Variants in CHKA observed in about 807,000 individuals in gnomAD.
CHKA encodes the protein choline kinase alpha.
Under a neutral mutation model 60.1 loss-of-function variants are expected in CHKA, and 34 were observed. The observed-to-expected ratio is 0.57, with a 90% confidence interval of 0.43 to 0.75. The LOEUF (loss-of-function observed/expected upper bound fraction) is 0.75, where lower values mean the gene tolerates loss of function less well. CHKA is among the 30% of genes least tolerant of loss of function. CHKA has a pLI of 0.00. For missense variants in CHKA, 563 were observed against 561.3 expected, an observed-to-expected ratio of 1.00 and a Z score of -0.03; for synonymous variants, 217 against 223.1, an observed-to-expected ratio of 0.97 and a Z score of 0.24.
chr11:68,074,110 C>T (rs751030457), intron 4 of CHKA, among the ~76,000 whole-genome samples: 9 of 152,116 alleles, frequency 5.9e-5, no homozygotes, highest in Non-Finnish European at 1.3e-4. Flanking sequence ...GTACATGTAA[C>T]TCTAAGACAT....
intron 1 of CHKA, among the ~76,000 whole-genome samples, chr11:68,116,570 T>A (rs1372844138): frequency 1.3e-5 from 2 of 150,910 alleles, no homozygotes; most frequent in African/African-American, 2.4e-5. Flanking sequence ...AAAAAAAAAA[T>A]TTAGCTGGAC....
chr11:68,102,615 GA>G (rs1857768920), intron 1 of CHKA, among the ~76,000 whole-genome samples: 1 of 152,206 alleles, frequency 6.6e-6, no homozygotes, highest in East Asian at 1.9e-4. Context: ...AAAACATAGG[GA>G]AAAAGCTTCA....
chr11:68,063,371 G>A (rs1010284959), intron 10 of CHKA, among the ~76,000 whole-genome samples: 4 of 152,162 alleles, frequency 2.6e-5, no homozygotes, highest in South Asian at 2.1e-4. Context: ...ATGGTGGTAC[G>A]TGCCTGTAGT....
chr11:68,072,504 G>A (rs1015270406), intron 4 of CHKA, among the ~76,000 whole-genome samples: 1 of 149,440 alleles, frequency 6.7e-6, no homozygotes, highest in African/African-American at 2.5e-5. Flanking sequence ...CTGAGATCAG[G>A]CCACTTATAC....
At chr11:68,063,263 C>A (rs1424180676) in intron 10 of CHKA, among the ~76,000 whole-genome samples, 4 of 152,140 alleles carry the variant, frequency 2.6e-5, no homozygotes, top group African/African-American at 9.6e-5. Flanking sequence ...CTTTGGGGGG[C>A]CAAGGCAGGA....
intron 2 of CHKA, among the ~76,000 whole-genome samples, chr11:68,084,312 A>ATGTGTATATATATACGTATATG (rs1857089773): frequency 1.4e-5 from 2 of 140,448 alleles, no homozygotes; most frequent in African/African-American, 5.2e-5. Context: ...GTGTATATAC[A>ATGTGTATATATATACGTATATG]TGTGTATATA....
intron 7 of CHKA, among the ~76,000 whole-genome samples, chr11:68,068,195 C>T (rs758381355): frequency 1.3e-5 from 2 of 152,110 alleles, no homozygotes; most frequent in East Asian, 1.9e-4. Flanking sequence ...ACACGTGTTG[C>T]GATAAGCAAC....
chr11:68,110,805 C>G (rs1402097425), intron 1 of CHKA, among the ~76,000 whole-genome samples: 2 of 151,946 alleles, frequency 1.3e-5, no homozygotes, highest in East Asian at 3.9e-4. Flanking sequence ...CCGAGACCAG[C>G]CTGGCAAACA....
At chr11:68,114,783 A>C (rs1485772346) in intron 1 of CHKA, among the ~76,000 whole-genome samples, 2 of 100,404 alleles carry the variant, frequency 2.0e-5, no homozygotes, top group African/African-American at 6.8e-5. Flanking sequence ...AGCCAAACTG[A>C]AAAGACTTAC....
At chr11:68,097,199 A>G (rs1857543182) in intron 1 of CHKA, 69 bp from the exon 2 acceptor site, 6 of 1,185,338 alleles carry the variant, frequency 5.1e-6, no homozygotes, top group Non-Finnish European at 7.4e-6. Flanking sequence ...TTGGATAAAT[A>G]TGGATGAAAA....
At chr11:68,081,368 C>A in intron 3 of CHKA, 36 bp downstream of exon 3, 3 of 1,586,388 alleles carry the variant, frequency 1.9e-6, no homozygotes, top group Non-Finnish European at 2.6e-6. Context: ...CACTAGTTCA[C>A]ATCTCACACA....
intron 2 of CHKA, among the ~76,000 whole-genome samples, chr11:68,092,503 GCA>G (rs1857382301): frequency 6.6e-6 from 1 of 152,112 alleles, no homozygotes; most frequent in Non-Finnish European, 1.5e-5. Flanking sequence ...AAAATCCTCG[GCA>G]CAGTGTGTGG....
chr11:68,068,882 C>T lies in CHKA; in HGVS notation c.925G>A (p.Glu309Lys). Residue 309 changes from glutamate to lysine, a missense_variant, in exon 7 of 12, where the codon GAA (glutamate) becomes AAA (lysine). Glu to Lys is a moderately conservative substitution (Grantham distance 56, BLOSUM62 1). Transcript: ENST00000265689. The part of the protein sequence containing the change: ...PVVFCHNDCQ[E>K]GNILLLEGRE... ...AACAGAACATAGCAATTCTTACCTT[C>T]TTGACAGTCATTATGACAAAATACA... 1 of 1,609,286 alleles carries T rather than the reference C, an allele frequency of 6.2e-7. No homozygotes were observed. The highest frequency in any genetic ancestry group is 2.2e-5 in the East Asian group (1 of 44,866).
Position 68,066,470 on chromosome 11 carries a change from T to C in CHKA, c.975A>G (p.Lys325=), listed in dbSNP as rs768465344. 2 of 1,614,198 alleles carry C rather than the reference T, an allele frequency of 1.2e-6. No individual in the cohort carries two copies. The highest frequency in any genetic ancestry group is 2.2e-5 in the East Asian group (1 of 44,890). The part of the protein sequence containing the change: ...LEGRENSEKQ[K]LMLIDFEYSS... ...TGTATTCGAAATCAATGAGCATCAG[T>C]TTCTGTTTTTCAGAATTCTCTCGGC... The change falls in exon 8 of 12, where the codon AAA becomes AAG. Residue 325 remains lysine, a synonymous_variant. Transcript: ENST00000265689.
chr11:68,095,192 C>A (rs184178587), intron 2 of CHKA, among the ~76,000 whole-genome samples: 1 of 151,450 alleles, frequency 6.6e-6, no homozygotes, highest in Admixed American at 6.6e-5. Flanking sequence ...GTCACAAGGT[C>A]AGGAGATCGA....
chr11:68,084,805 G>C (rs1008596608), intron 2 of CHKA, among the ~76,000 whole-genome samples: 1 of 152,018 alleles, frequency 6.6e-6, no homozygotes, highest in Admixed American at 6.6e-5. Flanking sequence ...GGGAAAAGAT[G>C]GAAGAAGACT....
chr11:68,059,640 C>T (rs1424709589), intron 11 of CHKA, among the ~76,000 whole-genome samples: 1 of 152,094 alleles, frequency 6.6e-6, no homozygotes, highest in Admixed American at 6.6e-5. Flanking sequence ...TTTTTAATTT[C>T]TTTGACCCAG....
intron 1 of CHKA, among the ~76,000 whole-genome samples, chr11:68,103,052 T>A (rs932567564): frequency 2.6e-5 from 4 of 152,052 alleles, no homozygotes; most frequent in Non-Finnish European, 5.9e-5. Flanking sequence ...AGGAGGATTG[T>A]TTGAGCCTAA....
At chr11:68,113,056 T>C (rs1478469802) in intron 1 of CHKA, among the ~76,000 whole-genome samples, 1 of 89,550 alleles carries the variant, frequency 1.1e-5, no homozygotes, top group East Asian at 3.9e-4. Context: ...CACTCTAGCC[T>C]GGGCAACAGA....
Sources: allele counts gnomAD v4.1 joint callset (sites outside exome capture counted in the v4.1 genomes callset), GRCh38; gene constraint gnomAD v4.1.1; transcripts MANE v1.5; gene names NCBI Gene and HGNC (gene_info 2026-07-23, HGNC 2026-07-21).